The following BMPR2 variants were observed in gnomAD, a reference collection of about 807,000 sequenced individuals.
BMPR2 encodes the protein bone morphogenetic protein receptor type 2, also known as bone morphogenetic protein receptor type-2.
Under a neutral mutation model 100.8 loss-of-function variants are expected in BMPR2, and 29 were observed. That is an observed-to-expected ratio of 0.29 (90% confidence interval 0.21 to 0.39). BMPR2 has a LOEUF of 0.39. Among genes scored for constraint, BMPR2 ranks in the 10% least tolerant of loss-of-function variants. BMPR2 has a pLI of 1.00. For missense variants in BMPR2, 1,011 were observed against 1,274.5 expected, an observed-to-expected ratio of 0.79 and a Z score of 3.15; for synonymous variants, 382 against 442.3, an observed-to-expected ratio of 0.86 and a Z score of 1.71.
Position 202,556,472 on chromosome 2 carries a change from A to T in BMPR2, c.2807A>T (p.Gln936Leu). The change falls in exon 12 of 13, where the codon CAG (glutamine) becomes CTG (leucine). Residue 936 changes from glutamine to leucine, a missense_variant. By Grantham distance (113) the Gln-to-Leu change is moderately radical (BLOSUM62 -2). Transcript: ENST00000374580. ...DPGPSKPRRAQRPNSLDLSAT... is the reference protein window; with the variant it reads ...DPGPSKPRRALRPNSLDLSAT... ...GGGCCATCAAAGCCCAGAAGAGCAC[A>T]GAGGCCTAATTCTCTGGATCTTTCA... The T allele has an allele frequency of 6.2e-7, 1 of 1,614,232 alleles. No individual in the cohort carries two copies. The highest frequency in any genetic ancestry group is 8.5e-7 in the Non-Finnish European group (1 of 1,180,044).
At chr2:202,528,971 G>A (rs1244668776) in intron 7 of BMPR2, among the ~76,000 whole-genome samples, 1 of 152,162 alleles carries the variant, frequency 6.6e-6, no homozygotes, top group African/African-American at 2.4e-5. Flanking sequence ...TACTTATTCA[G>A]CTGTTTGTTG....
intron 1 of BMPR2, among the ~76,000 whole-genome samples, chr2:202,447,179 A>T (rs1033753322): frequency 6.7e-6 from 1 of 149,836 alleles, no homozygotes; most frequent in East Asian, 2.0e-4. Context: ...ATGGTGGCAG[A>T]TGCCTGTAAT....
At position 202,555,369 on chromosome 2, in the gene BMPR2, T is replaced by A. The variant is rs748020057; in HGVS notation, c.1704T>A (p.Ser568=). The A allele has an allele frequency of 6.2e-7, 1 of 1,614,068 alleles. No individual in the cohort carries two copies. The highest frequency in any genetic ancestry group is 1.3e-5 in the African/African-American group (1 of 74,926). Reference sequence around the variant, plus strand: ...ACAGCATCGTGAAGAATATTTCCTCTGAGCATTCTATGTCCAGCACACCTT... The same window carrying A: ...ACAGCATCGTGAAGAATATTTCCTCAGAGCATTCTATGTCCAGCACACCTT... ...HTDSIVKNIS[S]EHSMSSTPLT... is the part of the protein sequence containing the mutation. Residue 568 remains serine (S), a synonymous_variant, in exon 12 of 13, where the codon TCT becomes TCA. Transcript: ENST00000374580.
At chr2:202,429,355 C>G (rs1233008030) in intron 1 of BMPR2, among the ~76,000 whole-genome samples, 1 of 152,054 alleles carries the variant, frequency 6.6e-6, no homozygotes, top group Non-Finnish European at 1.5e-5. Context: ...TTTCCTACTA[C>G]TACTCCCCCT....
chr2:202,538,787 CTG>C (rs1186544276), intron 9 of BMPR2, among the ~76,000 whole-genome samples: 4 of 126,620 alleles, frequency 3.2e-5, no homozygotes, highest in Non-Finnish European at 6.3e-5. Flanking sequence ...AAGCGAGACT[CTG>C]TCTCAAAAAA....
chr2:202,431,509 A>T (rs888119905), intron 1 of BMPR2, among the ~76,000 whole-genome samples: 8 of 150,764 alleles, frequency 5.3e-5, no homozygotes, highest in Non-Finnish European at 1.2e-4. Flanking sequence ...ACATTCATTT[A>T]TAGTCATGCA....
In BMPR2 at chr2:202,490,008, C is replaced by G. The variant is rs992842429; in HGVS notation, c.418+22319C>G. On this transcript the variant is annotated intron_variant, in intron 3 of 12. Coordinates refer to ENST00000374580, the MANE Select transcript of BMPR2 (RefSeq NM_001204.7). ...AGGACTCAGCTTCAGGCTTCAGGAT[C>G]AATTCATATCTTTTTGTCTGGGACC... 5.9e-5 allele frequency among the ~76,000 whole-genome samples: 9 copies of G among 152,166 alleles called. 1 individual carries two copies. Among genetic ancestry groups the G allele is most frequent in the Non-Finnish European group, 1.3e-4 (9 of 68,030 alleles).
intron 1 of BMPR2, among the ~76,000 whole-genome samples, chr2:202,383,491 G>A (rs2105896762): frequency 6.6e-6 from 1 of 152,272 alleles, no homozygotes; most frequent in South Asian, 2.1e-4. Context: ...GACCAACCCG[G>A]CCAACGTGGT....
intron 10 of BMPR2, among the ~76,000 whole-genome samples, chr2:202,549,855 A>G (rs1688444615): frequency 6.6e-6 from 1 of 152,104 alleles, no homozygotes; most frequent in Admixed American, 6.5e-5. Context: ...GTTTCTCTGC[A>G]TCTTTGCCAA....
At chr2:202,552,361 C>T (rs991500342) in intron 10 of BMPR2, among the ~76,000 whole-genome samples, 6 of 152,158 alleles carry the variant, frequency 3.9e-5, no homozygotes, top group Non-Finnish European at 8.8e-5. Flanking sequence ...TCCCCAAGTT[C>T]CATCAAACTC....
rs1315953500 is a variant in BMPR2 at position 202,562,051 on chromosome 2, T to C, written c.*2105T>C. On this transcript the variant is annotated 3_prime_UTR_variant, in exon 13 of 13. Coordinates refer to ENST00000374580, the MANE Select transcript of BMPR2 (RefSeq NM_001204.7). ...TTATCTTTCCTAGTACATTTTCACT[T>C]AGTTCTCTTGCCCTTAAATATCTTT... The C allele has an allele frequency of 1.3e-5, 2 of 152,194 alleles. No homozygotes were observed. Among genetic ancestry groups the C allele is most frequent in the Non-Finnish European group, 2.9e-5 (2 of 68,002 alleles). The allele number at this position is 152,194 out of a possible 1,614,324, so 9.4% of individuals were successfully genotyped here.
chr2:202,392,728 C>T (rs1574424302), intron 1 of BMPR2, among the ~76,000 whole-genome samples: 1 of 152,080 alleles, frequency 6.6e-6, no homozygotes, highest in East Asian at 1.9e-4. Context: ...CGCGGTGGCT[C>T]ACGCCTGTAA....
chr2:202,527,349 G>A (rs1049392326), intron 7 of BMPR2, among the ~76,000 whole-genome samples: 2 of 151,842 alleles, frequency 1.3e-5, no homozygotes, highest in African/African-American at 2.4e-5. Context: ...TTAGCTGGGC[G>A]TGGTGGCGTG....
At chr2:202,440,867 G>A (rs1342106862) in intron 1 of BMPR2, among the ~76,000 whole-genome samples, 4 of 150,616 alleles carry the variant, frequency 2.7e-5, no homozygotes, top group Non-Finnish European at 5.9e-5. Context: ...TTATCACATT[G>A]AGAATGATCC....
chr2:202,393,757 A>G (rs1014719970), intron 1 of BMPR2, among the ~76,000 whole-genome samples: 9 of 152,110 alleles, frequency 5.9e-5, no homozygotes, highest in Non-Finnish European at 1.3e-4. Context: ...TGTGGGTTGC[A>G]TTTATCACCT....
chr2:202,483,311 C>T (rs1692697940), intron 3 of BMPR2, among the ~76,000 whole-genome samples: 2 of 151,854 alleles, frequency 1.3e-5, no homozygotes, highest in South Asian at 4.2e-4. Flanking sequence ...TGCCGTTTCA[C>T]TCTTTTGATT....
intron 3 of BMPR2, among the ~76,000 whole-genome samples, chr2:202,483,806 T>C (rs916809656): frequency 6.8e-4 from 103 of 152,360 alleles, no homozygotes; most frequent in African/African-American, 2.4e-3. Flanking sequence ...GAATGTGTTC[T>C]TTTGACCGGG....
intron 1 of BMPR2, among the ~76,000 whole-genome samples, chr2:202,380,478 T>C (rs1201105217): frequency 6.6e-6 from 1 of 152,134 alleles, no homozygotes; most frequent in African/African-American, 2.4e-5. Flanking sequence ...CAGAATTACC[T>C]GGGGTTCTTG....
At chr2:202,439,241 T>G (rs923133819) in intron 1 of BMPR2, among the ~76,000 whole-genome samples, 6 of 150,112 alleles carry the variant, frequency 4.0e-5, no homozygotes, top group African/African-American at 1.5e-4. Context: ...TGGGCTCATT[T>G]TCTTAATTTC....
Sources: allele counts gnomAD v4.1 joint callset (sites outside exome capture counted in the v4.1 genomes callset), GRCh38; gene constraint gnomAD v4.1.1; transcripts MANE v1.5; gene names NCBI Gene and HGNC (gene_info 2026-07-23, HGNC 2026-07-21).